CERS6: variants seen among roughly 807,000 people sequenced by gnomAD.
CERS6 encodes the protein LAG1 homolog, ceramide synthase 6.
A neutral mutation model predicts 56.8 loss-of-function variants in CERS6; 26 were observed. The ratio of observed to expected loss-of-function variants is 0.46; its 90% CI spans 0.34 to 0.63. The LOEUF (loss-of-function observed/expected upper bound fraction) is 0.63, where lower values mean the gene tolerates loss of function less well. Ranked by LOEUF, CERS6 falls within the 30% of genes least tolerant of loss-of-function variation. CERS6 has a pLI of 0.01. For missense variants in CERS6, 415 were observed against 467.5 expected, an observed-to-expected ratio of 0.89 and a Z score of 1.04; for synonymous variants, 164 against 173.3, an observed-to-expected ratio of 0.95 and a Z score of 0.42.
intron 1 of CERS6, among the ~76,000 whole-genome samples, chr2:168,491,024 C>T (rs1302293161): frequency 1.3e-5 from 2 of 152,090 alleles, no homozygotes; most frequent in South Asian, 2.1e-4. Flanking sequence ...AGGGGAAAAA[C>T]GAAAGTCCCA....
At chr2:168,480,586 A>G (rs919728869) in intron 1 of CERS6, among the ~76,000 whole-genome samples, 1 of 152,270 alleles carries the variant, frequency 6.6e-6, no homozygotes, top group African/African-American at 2.4e-5. Context: ...CGGGTTCTTT[A>G]TTTACCGTTT....
At chr2:168,638,632 G>C (rs992743358) in intron 4 of CERS6, among the ~76,000 whole-genome samples, 2 of 151,994 alleles carry the variant, frequency 1.3e-5, no homozygotes, top group Non-Finnish European at 2.9e-5. Context: ...AGATGATAAA[G>C]GTATTTCATC....
intron 8 of CERS6, among the ~76,000 whole-genome samples, chr2:168,761,542 T>A (rs1420550651): frequency 6.6e-6 from 1 of 152,230 alleles, no homozygotes; most frequent in African/African-American, 2.4e-5. Context: ...AATATCAATA[T>A]GTGTAGTATG....
At chr2:168,746,346 C>G (rs938697781) in intron 8 of CERS6, among the ~76,000 whole-genome samples, 1 of 152,102 alleles carries the variant, frequency 6.6e-6, no homozygotes, top group African/African-American at 2.4e-5. Context: ...TGCTACTTAT[C>G]ATCAACTGCT....
chr2:168,517,011 A>G (rs1694895098), intron 1 of CERS6, among the ~76,000 whole-genome samples: 1 of 151,968 alleles, frequency 6.6e-6, no homozygotes, highest in Non-Finnish European at 1.5e-5. Flanking sequence ...TAATGAGCCA[A>G]ATGTTTAATG....
intron 1 of CERS6, among the ~76,000 whole-genome samples, chr2:168,486,310 C>G (rs1404538722): frequency 1.3e-5 from 2 of 152,136 alleles, no homozygotes; most frequent in South Asian, 2.1e-4. Flanking sequence ...TTTTGCATAA[C>G]AAAGGTTTTA....
At chr2:168,506,070 C>A (rs1421566402) in intron 1 of CERS6, among the ~76,000 whole-genome samples, 1 of 152,146 alleles carries the variant, frequency 6.6e-6, no homozygotes, top group Non-Finnish European at 1.5e-5. Flanking sequence ...CTTTTCTATT[C>A]TTTTTGAGAG....
intron 4 of CERS6, among the ~76,000 whole-genome samples, chr2:168,680,724 G>T (rs2105350052): frequency 6.6e-6 from 1 of 152,258 alleles, no homozygotes; most frequent in East Asian, 1.9e-4. Context: ...ACAGCCTTTG[G>T]GTAGCTTGCC....
chr2:168,627,717 G>A (rs924830431), intron 3 of CERS6, among the ~76,000 whole-genome samples: 2 of 150,854 alleles, frequency 1.3e-5, no homozygotes, highest in Non-Finnish European at 3.0e-5. Context: ...ATGCAATTTA[G>A]TTGTCTTTTT....
intron 6 of CERS6, among the ~76,000 whole-genome samples, chr2:168,706,251 T>C (rs899992660): frequency 4.6e-5 from 7 of 152,236 alleles, no homozygotes; most frequent in Non-Finnish European, 1.0e-4. Context: ...CATCAGAAGC[T>C]AACCAACAGC....
rs1015138015 is a variant in CERS6 at position 168,769,610 on chromosome 2, C to T, written c.1103C>T (p.Thr368Ile). Residue 368 changes from threonine (T) to isoleucine (I), a missense_variant, in exon 10 of 10, where the codon ACC (threonine) becomes ATC (isoleucine). Physicochemically the swap from Thr to Ile is moderately conservative, Grantham distance 89. Coordinates refer to ENST00000305747, the MANE Select transcript of CERS6 (RefSeq NM_203463.3). ...NPHTATTTNG[T>I]SGTNGYLLTG... ...CACACTGCGACAACCACCAATGGGA[C>T]CAGTGGTACCAACGGGTATCTCCTG... The T allele has an allele frequency of 6.2e-7, 1 of 1,612,530 alleles. No individual in the cohort carries two copies. Among genetic ancestry groups the T allele is most frequent in the Non-Finnish European group, 8.5e-7 (1 of 1,179,522 alleles).
intron 3 of CERS6, among the ~76,000 whole-genome samples, chr2:168,587,246 A>G (rs150860243): frequency 1.3e-3 from 205 of 152,344 alleles, no homozygotes; most frequent in Non-Finnish European, 2.0e-3. Context: ...AAATGGAATC[A>G]TTATGTCTGG....
chr2:168,585,334 G>A (rs992745478), intron 3 of CERS6, among the ~76,000 whole-genome samples: 1 of 152,242 alleles, frequency 6.6e-6, no homozygotes, highest in Non-Finnish European at 1.5e-5. Flanking sequence ...ATAGGTGCAG[G>A]AGACAGTGAT....
Position 168,657,990 on chromosome 2 carries a change from A to T in CERS6, c.465+26948A>T, listed in dbSNP as rs148516180. 4.6e-5 allele frequency among the ~76,000 whole-genome samples: 7 copies of T among 152,180 alleles called. No individual in the cohort carries two copies. The East Asian group carries it at 1.3e-3, about 29-fold the overall frequency. ...CGAGGGCTCTGAGGACTGCCAGCAC[A>T]CTGTCACCTCTCAATATAATACAAT... On this transcript the variant is annotated intron_variant, in intron 4 of 9. Coordinates refer to ENST00000305747, the MANE Select transcript of CERS6 (RefSeq NM_203463.3).
chr2:168,498,550 C>T (rs1694516585), intron 1 of CERS6, among the ~76,000 whole-genome samples: 1 of 152,170 alleles, frequency 6.6e-6, no homozygotes, highest in African/African-American at 2.4e-5. Flanking sequence ...GGGTGGCCTG[C>T]ACGTGTGCAG....
chr2:168,738,867 T>C (rs1407289164), intron 8 of CERS6, among the ~76,000 whole-genome samples: 2 of 151,712 alleles, frequency 1.3e-5, no homozygotes, highest in African/African-American at 4.9e-5. Flanking sequence ...AATTTTACAG[T>C]AGAAGTTGTT....
intron 3 of CERS6, among the ~76,000 whole-genome samples, chr2:168,606,194 G>A (rs115820323): frequency 0.03 from 4,505 of 152,338 alleles, 199 homozygotes; most frequent in African/African-American, 0.097. Context: ...TGCCCTGGAT[G>A]TGAGACATGG....
chr2:168,572,992 A>G (rs548071050), intron 3 of CERS6, among the ~76,000 whole-genome samples: 2 of 152,238 alleles, frequency 1.3e-5, no homozygotes, highest in South Asian at 2.1e-4. Flanking sequence ...TATTCTTTCA[A>G]ATGGTCCTAG....
chr2:168,486,971 C>T (rs1385685428), intron 1 of CERS6, among the ~76,000 whole-genome samples: 2 of 151,516 alleles, frequency 1.3e-5, no homozygotes, highest in Admixed American at 1.3e-4. Flanking sequence ...ATTTTTTTTT[C>T]AGTGTGACTT....
Sources: allele counts gnomAD v4.1 joint callset (sites outside exome capture counted in the v4.1 genomes callset), GRCh38; gene constraint gnomAD v4.1.1; transcripts MANE v1.5; gene names NCBI Gene and HGNC (gene_info 2026-07-23, HGNC 2026-07-21).